The following TET3 variants were observed in gnomAD, a reference collection of about 807,000 sequenced individuals.
TET3 encodes the protein methylcytosine dioxygenase TET3.
TET3 carries 19 observed loss-of-function variants against 141.4 expected under a neutral mutation model. The observed-to-expected ratio is 0.13, with a 90% CI of 0.09 to 0.20. TET3 has a LOEUF of 0.20. Among genes scored for constraint, TET3 ranks in the 10% least tolerant of loss-of-function variants. The probability of loss-of-function intolerance (pLI) is 1.00; values close to 1 mark genes in which losing one functional copy is unlikely to be tolerated. For missense variants in TET3, 1,874 were observed against 2,356.9 expected, an observed-to-expected ratio of 0.80 and a Z score of 4.24; for synonymous variants, 1,043 against 980.9, an observed-to-expected ratio of 1.06 and a Z score of -1.18.
intron 1 of TET3, among the ~76,000 whole-genome samples, chr2:73,985,450 C>G (rs1203366477): frequency 1.4e-5 from 2 of 143,294 alleles, no homozygotes; most frequent in Non-Finnish European, 3.1e-5. Context: ...GAGCGCGCCC[C>G]CCTCCCCGCG....
intron 3 of TET3, among the ~76,000 whole-genome samples, chr2:74,028,960 G>A (rs1390722025): frequency 1.3e-5 from 2 of 152,144 alleles, no homozygotes; most frequent in Non-Finnish European, 2.9e-5. Flanking sequence ...AGACTCAGCT[G>A]GCCATGCTCA....
chr2:74,104,118 CTAGATT>C lies in TET3; in HGVS notation c.*1945_*1950del, dbSNP rs1572911887. ...GAAAGATTTTTTTAAGCACTTTTGC[CTAGATT>C]TAAACAGCAACTTGAAAAAAAAAGT... On this transcript the variant is annotated 3_prime_UTR_variant, in exon 12 of 12. Transcript: ENST00000409262. 1 of 152,828 alleles carries C rather than the reference CTAGATT, an allele frequency of 6.5e-6. No individual in the cohort carries two copies. The highest frequency in any genetic ancestry group is 2.1e-4 in the South Asian group (1 of 4,800). 9.5% of individuals were successfully genotyped at this position (152,828 alleles called of 1,614,324 possible).
At chr2:74,054,365 T>C (rs1243143232) in intron 4 of TET3, among the ~76,000 whole-genome samples, 1 of 150,950 alleles carries the variant, frequency 6.6e-6, no homozygotes, top group African/African-American at 2.4e-5. Context: ...GATGTAGGAG[T>C]AAGGGAGGAG....
chr2:74,027,303 ACTTTCGGGGTAG>A (rs1686419495), intron 3 of TET3, among the ~76,000 whole-genome samples: 3 of 148,248 alleles, frequency 2.0e-5, no homozygotes, highest in African/African-American at 7.4e-5. Context: ...AGCCTTTTAG[ACTTTCGGGGTAG>A]AAGGTGGGTG....
chr2:74,002,813 G>C (rs1558700910), intron 2 of TET3: 1 of 570,516 alleles, frequency 1.8e-6, no homozygotes, highest in Admixed American at 3.1e-5. Flanking sequence ...TAGAGCGCGC[G>C]GGGCCGGGGA....
intron 3 of TET3, among the ~76,000 whole-genome samples, chr2:74,016,557 A>T (rs1685737652): frequency 6.6e-6 from 1 of 151,892 alleles, no homozygotes; most frequent in Non-Finnish European, 1.5e-5. Context: ...CTTTGTCTCT[A>T]CTAAAAATAC....
chr2:74,026,207 G>GA (rs1686346894), intron 3 of TET3, among the ~76,000 whole-genome samples: 2 of 152,140 alleles, frequency 1.3e-5, no homozygotes, highest in African/African-American at 4.8e-5. Flanking sequence ...CCATCGCTGG[G>GA]GGGAGAGAGG....
At chr2:74,113,814 A>C in the TET3 span, among the ~76,000 whole-genome samples, 1 of 149,052 alleles carries the variant, frequency 6.7e-6, no homozygotes, top group South Asian at 2.2e-4. Flanking sequence ...GATACAAACA[A>C]ATGGAAAGAC....
intron 3 of TET3, among the ~76,000 whole-genome samples, chr2:74,022,935 C>T: frequency 6.6e-6 from 1 of 152,142 alleles, no homozygotes. Context: ...GCCATCACGC[C>T]TGGCTAATTT....
chr2:74,089,189 C>A (rs141650540), intron 7 of TET3, among the ~76,000 whole-genome samples: 1,888 of 152,078 alleles, frequency 0.012, 17 homozygotes, highest in Non-Finnish European at 0.021. Context: ...GGGCAGTCAC[C>A]GGTCTTGTTT....
chr2:74,025,460 T>C (rs1320057696), intron 3 of TET3, among the ~76,000 whole-genome samples: 2 of 151,694 alleles, frequency 1.3e-5, no homozygotes, highest in Non-Finnish European at 2.9e-5. Context: ...GCTAATTTTT[T>C]GTATTTTCAG....
downstream of TET3, among the ~76,000 whole-genome samples, chr2:74,109,901 G>A (rs537724528): frequency 3.3e-4 from 50 of 152,074 alleles, no homozygotes; most frequent in Non-Finnish European, 6.3e-4. Flanking sequence ...TTTAAGCAGC[G>A]GCTTGTGGCT....
chr2:74,080,914 A>AG (rs1480033206), intron 6 of TET3, among the ~76,000 whole-genome samples: 3 of 151,930 alleles, frequency 2.0e-5, no homozygotes, highest in Non-Finnish European at 4.4e-5. Context: ...TCAGGGCCGG[A>AG]GGGGTAGGAA....
At chr2:74,092,343 T>A (rs13426799) in intron 8 of TET3, among the ~76,000 whole-genome samples, 19,590 of 152,066 alleles carry the variant, frequency 0.13, 3,274 homozygotes, top group African/African-American at 0.38. Context: ...TTCTGTAGCT[T>A]CATGTGGTTT....
chr2:74,094,307 G>C (rs1001825504), intron 10 of TET3, among the ~76,000 whole-genome samples: 2 of 152,192 alleles, frequency 1.3e-5, no homozygotes, highest in Non-Finnish European at 2.9e-5. Context: ...GGCTCCGAGC[G>C]GGGAGCAGGC....
chr2:74,105,212 CATATT>C lies in TET3; in HGVS notation c.*3040_*3044del, dbSNP rs775080331. 7.5e-6 allele frequency: 3 copies of C among 398,428 alleles called. No individual in the cohort carries two copies. Among genetic ancestry groups the C allele is most frequent in the African/African-American group, 2.1e-5 (1 of 48,600 alleles). The allele number at this position is 398,428 out of a possible 1,614,324, so 24.7% of individuals were successfully genotyped here. On this transcript the variant is annotated 3_prime_UTR_variant, in exon 12 of 12. Transcript: ENST00000409262. ...AACAGCATGACCAAGTTCGAAGAGT[CATATT>C]ATAGCAACGGAAATCGATGGCGTCT...
chr2:74,131,284 G>A, the TET3 span, among the ~76,000 whole-genome samples: 35,600 of 152,072 alleles, frequency 0.23, 4,643 homozygotes, highest in East Asian at 0.39. Flanking sequence ...CATTTGTTCA[G>A]CTTTGGCCTC....
At chr2:74,079,176 G>C (rs758143743) in intron 5 of TET3, among the ~76,000 whole-genome samples, 1 of 152,118 alleles carries the variant, frequency 6.6e-6, no homozygotes, top group Non-Finnish European at 1.5e-5. Flanking sequence ...GTGAAACCCT[G>C]TCCTTACTAA....
At chr2:74,002,684 A>T in intron 2 of TET3, 1 of 414,426 alleles carries the variant, frequency 2.4e-6, no homozygotes, top group Non-Finnish European at 4.2e-6. Flanking sequence ...CGCGGCGGGG[A>T]GGGGAGCGCA....
Sources: allele counts gnomAD v4.1 joint callset (sites outside exome capture counted in the v4.1 genomes callset), GRCh38; gene constraint gnomAD v4.1.1; transcripts MANE v1.5; gene names NCBI Gene and HGNC (gene_info 2026-07-23, HGNC 2026-07-21).